ZSCAN32: variants seen among roughly 807,000 people sequenced by gnomAD.
ZSCAN32 encodes the protein zinc finger and SCAN domain-containing protein 32.
Under a neutral mutation model 47.4 loss-of-function variants are expected in ZSCAN32, and 52 were observed. That is an observed-to-expected ratio of 1.10 (90% CI 0.88 to 1.38). The LOEUF (loss-of-function observed/expected upper bound fraction) is 1.38. ZSCAN32 is among the 40% of genes most tolerant of loss of function. ZSCAN32 has a pLI of 0.00. For synonymous variants in ZSCAN32, 346 were observed against 305.7 expected, an observed-to-expected ratio of 1.13 and a Z score of -1.38; for missense variants, 959 against 846.0, an observed-to-expected ratio of 1.13 and a Z score of -1.66.
intron 5 of ZSCAN32, among the ~76,000 whole-genome samples, 152 bp downstream of exon 5, chr16:3,389,857 TC>T (rs2032460864): frequency 6.6e-6 from 1 of 152,104 alleles, no homozygotes; most frequent in African/African-American, 2.4e-5. Flanking sequence ...TGCCTGTGTC[TC>T]TCTGGCCTGC....
In ZSCAN32 at chr16:3,397,406, G is replaced by T. The variant is rs1340134685; in HGVS notation, c.152C>A (p.Pro51Gln). 9.7e-6 allele frequency: 15 copies of T among 1,552,762 alleles called. No individual in the cohort carries two copies. Among genetic ancestry groups the T allele is most frequent in the Non-Finnish European group, 1.2e-5 (14 of 1,148,400 alleles). Reference protein sequence around the residue: ...RQFCYQEVTGPHEAFSKLWEL... With the variant: ...RQFCYQEVTGQHEAFSKLWEL... Reference sequence around the variant, plus strand: ...CCAGAGTTTGCTAAAAGCTTCATGTGGGCCAGTTACCTCCTGGTAGCAAAA... The same window carrying T: ...CCAGAGTTTGCTAAAAGCTTCATGTTGGCCAGTTACCTCCTGGTAGCAAAA... Residue 51 changes from proline to glutamine, a missense_variant, in exon 2 of 7, where the codon CCA (proline) becomes CAA (glutamine). Coordinates refer to ENST00000396852, the MANE Select transcript of ZSCAN32 (RefSeq NM_001284527.2).
At chr16:3,386,938 T>A (rs1332464337) in intron 5 of ZSCAN32, among the ~76,000 whole-genome samples, 34 of 141,204 alleles carry the variant, frequency 2.4e-4, no homozygotes, top group Non-Finnish European at 2.8e-4. Flanking sequence ...GCTTAAAGTA[T>A]AAAAAAAAAA....
At chr16:3,393,915 G>A in intron 2 of ZSCAN32, 101 bp from the exon 3 acceptor site, 1 of 1,111,746 alleles carries the variant, frequency 9.0e-7, no homozygotes, top group Non-Finnish European at 1.2e-6. Context: ...TAAGGAAGCA[G>A]AAGAGAAAAA....
At position 3,390,404 on chromosome 16, in the gene ZSCAN32, G is replaced by A. The variant is rs1483794058; in HGVS notation, c.627+19C>T. The A allele has an allele frequency of 1.9e-6, 3 of 1,540,212 alleles. No individual in the cohort carries two copies. Among genetic ancestry groups the A allele is most frequent in the South Asian group, 2.4e-5 (2 of 83,416 alleles). On this transcript the variant is annotated intron_variant, in intron 4 of 6. Transcript: ENST00000396852. ...GAGAGTGGGTACTCAAGAGACAGAA[G>A]GCATCAACCACAGCTCACCTGGGAC... is the stretch of plus-strand genomic sequence containing the variant.
intron 1 of ZSCAN32, among the ~76,000 whole-genome samples, chr16:3,400,668 G>A (rs1446334584): frequency 2.0e-5 from 3 of 152,220 alleles, no homozygotes; most frequent in Admixed American, 6.5e-5. Context: ...GATGAGTAGG[G>A]AGTGGGCGAG....
Position 3,390,104 on chromosome 16 carries a change from T to A in ZSCAN32, c.657A>T (p.Val219=), listed in dbSNP as rs1407685961. The A allele has an allele frequency of 1.2e-6, 2 of 1,613,526 alleles. No individual in the cohort carries two copies. Among genetic ancestry groups the A allele is most frequent in the Non-Finnish European group, 1.7e-6 (2 of 1,179,818 alleles). The part of the protein sequence containing the change: ...QGPAMRDNRA[V]SLCQQEWMCP... ...ACATCCATTCTTGCTGACAGAGGGA[T>A]ACAGCTCTGTTGTCACGCATGGCTG... Residue 219 remains valine (V), a synonymous_variant, in exon 5 of 7, where the codon GTA becomes GTT. Transcript: ENST00000396852.
At position 3,390,475 on chromosome 16, in the gene ZSCAN32, G is replaced by T; in HGVS notation, c.575C>A (p.Thr192Lys). 6.5e-7 allele frequency: 1 copy of T among 1,549,720 alleles called. No individual in the cohort carries two copies. Among genetic ancestry groups the T allele is most frequent in the Non-Finnish European group, 8.7e-7 (1 of 1,146,962 alleles). ...ACCTGTCTCCTGGTCGTGGAGACCTGTGTTTTGAGGCAGGTTCCTGGGAGC... is the reference window on the plus strand; with the variant it reads ...ACCTGTCTCCTGGTCGTGGAGACCTTTGTTTTGAGGCAGGTTCCTGGGAGC... Reference protein sequence around the residue: ...PQAPRNLPQNTGLHDQETGAV... With the variant: ...PQAPRNLPQNKGLHDQETGAV... Residue 192 changes from threonine to lysine, a missense_variant, in exon 4 of 7, where the codon ACA (threonine) becomes AAA (lysine). Physicochemically the swap from Thr to Lys is moderately conservative, Grantham distance 78. Transcript: ENST00000396852.
chr16:3,384,856 G>C lies in ZSCAN32; in HGVS notation c.837C>G (p.Thr279=). 6.2e-7 allele frequency: 1 copy of C among 1,614,140 alleles called. No individual in the cohort carries two copies. The highest frequency in any genetic ancestry group is 1.3e-5 in the African/African-American group (1 of 75,020). ...TGTAGATCTGGCTGTTCTGCTGACA[G>C]GTCTGGAGTTTTCCATAAAATTGAG... The part of the protein sequence containing the change: ...SSSQFYGKLQ[T]CQQNSQIYRA... The change falls in exon 6 of 7, where the codon ACC becomes ACG. Residue 279 remains threonine (T), a synonymous_variant. Coordinates refer to ENST00000396852, the MANE Select transcript of ZSCAN32 (RefSeq NM_001284527.2).
chr16:3,393,623 A>G, intron 3 of ZSCAN32, 26 bp downstream of exon 3: 1 of 1,504,392 alleles, frequency 6.6e-7, no homozygotes, highest in Non-Finnish European at 8.9e-7. Flanking sequence ...CACCTGCCTC[A>G]GGTGAGGACA....
intron 6 of ZSCAN32, chr16:3,384,012 G>A (rs868174400): frequency 4.6e-6 from 2 of 435,912 alleles, no homozygotes; most frequent in Middle Eastern, 3.1e-4. Flanking sequence ...GTTTATAGGT[G>A]TACCCTCAAT....
In ZSCAN32 at chr16:3,384,891, G is replaced by C. The variant is rs772317903; in HGVS notation, c.802C>G (p.Leu268Val). Residue 268 changes from leucine to valine, a missense_variant, in exon 6 of 7, where the codon CTT becomes GTT. Physicochemically the swap from Leu to Val is conservative, Grantham distance 32. Transcript: ENST00000396852. ...TTTCCATAAAATTGAGAACTACTAA[G>C]AATAGCCAGGAGCGTCTTGGTCTCT... is the stretch of plus-strand genomic sequence containing the variant. ...YEETKTLLAI[L>V]SSSQFYGKLQ... 2 of 1,614,020 alleles carry C rather than the reference G, an allele frequency of 1.2e-6. No individual in the cohort carries two copies. The highest frequency in any genetic ancestry group is 1.7e-6 in the Non-Finnish European group (2 of 1,180,032).
At position 3,383,244 on chromosome 16, in the gene ZSCAN32, G is replaced by C. The variant is rs533552056; in HGVS notation, c.1702C>G (p.Leu568Val). Residue 568 changes from leucine to valine, a missense_variant, in exon 7 of 7, where the codon CTA becomes GTA. Leu to Val is a conservative substitution (Grantham distance 32, BLOSUM62 1). Coordinates refer to ENST00000396852, the MANE Select transcript of ZSCAN32 (RefSeq NM_001284527.2). The stretch of plus-strand genomic sequence containing the variant: ...GGCCTCTCCCCTGTGTGAGTTCGTA[G>C]GTGGGCAGTGAGGTTGGAGCGCTCA... ...FSERSNLTAH[L>V]RTHTGERPYQ... The C allele has an allele frequency of 2.5e-6, 4 of 1,614,098 alleles. No homozygotes were observed. The highest frequency in any genetic ancestry group is 3.3e-5 in the Admixed American group (2 of 60,024).
intron 5 of ZSCAN32, among the ~76,000 whole-genome samples, chr16:3,385,917 T>C (rs910232043): frequency 6.6e-6 from 1 of 152,118 alleles, no homozygotes; most frequent in African/African-American, 2.4e-5. Flanking sequence ...CCAAAAGCAA[T>C]GGCAACCAAA....
At chr16:3,400,343 G>A (rs562365509) in intron 1 of ZSCAN32, among the ~76,000 whole-genome samples, 1 of 152,174 alleles carries the variant, frequency 6.6e-6, no homozygotes, top group Non-Finnish European at 1.5e-5. Flanking sequence ...GCCAGGACTA[G>A]AACCAGCACC....
At position 3,397,583 on chromosome 16, in the gene ZSCAN32, G is replaced by A. The variant is rs962620949; in HGVS notation, c.-26C>T. 6.7e-7 allele frequency: 1 copy of A among 1,495,018 alleles called. No individual in the cohort carries two copies. 92.6% of individuals were successfully genotyped at this position (1,495,018 alleles called of 1,614,324 possible). On this transcript the variant is annotated 5_prime_UTR_variant, in exon 2 of 7. An upstream open reading frame in the 5' UTR gains an earlier in-frame stop. Transcript: ENST00000396852. ...TTGCTTCAACGAACTGGCTTACTCT[G>A]GTTGCCACTTCTACCCTGGAGATCA... is the stretch of plus-strand genomic sequence containing the variant.
intron 1 of ZSCAN32, among the ~76,000 whole-genome samples, chr16:3,398,344 A>T (rs2033571155): frequency 6.6e-6 from 1 of 151,656 alleles, no homozygotes; most frequent in African/African-American, 2.4e-5. Flanking sequence ...GCACACAAAA[A>T]CCGTTTTCCA....
At position 3,382,929 on chromosome 16, in the gene ZSCAN32, T is replaced by C. The variant is rs1403079420; in HGVS notation, c.2017A>G (p.Asn673Asp). ...CSHCERGFTKNSALTRHQTVH... is the reference protein window; with the variant it reads ...CSHCERGFTKDSALTRHQTVH... Reference sequence around the variant, plus strand: ...GTCTGATGACGGGTGAGGGCAGAGTTCTTAGTGAAGCCTCTCTCACAGTGA... The same window carrying C: ...GTCTGATGACGGGTGAGGGCAGAGTCCTTAGTGAAGCCTCTCTCACAGTGA... Residue 673 changes from asparagine (N) to aspartate (D), a missense_variant, in exon 7 of 7, where the codon AAC becomes GAC. Coordinates refer to ENST00000396852, the MANE Select transcript of ZSCAN32 (RefSeq NM_001284527.2). The C allele has an allele frequency of 1.2e-6, 2 of 1,612,982 alleles. No individual in the cohort carries two copies. The highest frequency in any genetic ancestry group is 1.7e-6 in the Non-Finnish European group (2 of 1,179,428).
At chr16:3,397,828 T>G in intron 1 of ZSCAN32, 84 bp from the exon 2 acceptor site, 1 of 326,100 alleles carries the variant, frequency 3.1e-6, no homozygotes, top group Non-Finnish European at 5.6e-6. Context: ...ATCCCTTTCC[T>G]TTACTCCCTC....
rs572875233 is a variant in ZSCAN32, at chr16:3,393,808, C to G, written c.373G>C (p.Asp125His). Residue 125 changes from aspartate to histidine, a missense_variant, in exon 3 of 7, where the codon GAT becomes CAT. Coordinates refer to ENST00000396852, the MANE Select transcript of ZSCAN32 (RefSeq NM_001284527.2). Reference protein sequence around the residue: ...VQRAPGQQVLDSEKDLKVLMK... With the variant: ...VQRAPGQQVLHSEKDLKVLMK... ...AGTACTTTCAAGTCCTTCTCAGAAT[C>G]TAGAACCTGAGAACAGACCCCATTA... The G allele has an allele frequency of 7.1e-6, 11 of 1,549,058 alleles. No homozygotes were observed. In the South Asian group the frequency reaches 1.2e-4, roughly 17 times the overall value.
Sources: allele counts gnomAD v4.1 joint callset (sites outside exome capture counted in the v4.1 genomes callset), GRCh38; gene constraint gnomAD v4.1.1; transcripts MANE v1.5; gene names NCBI Gene and HGNC (gene_info 2026-07-23, HGNC 2026-07-21).